The following HS1BP3 variants were observed in gnomAD, a reference collection of about 807,000 sequenced individuals.
HS1BP3 encodes HCLS1 binding protein 3.
A neutral mutation model predicts 33.5 loss-of-function variants in HS1BP3; 32 were observed. The observed-to-expected ratio is 0.95, with a 90% CI of 0.72 to 1.28. HS1BP3 has a LOEUF of 1.28. HS1BP3 is among the 50% of genes most tolerant of loss of function. HS1BP3 has a pLI of 0.00. For synonymous variants in HS1BP3, 187 were observed against 209.2 expected (o/e 0.89, Z 0.92); for missense variants, 486 against 502.3 (o/e 0.97, Z 0.31).
At chr2:20,601,437 T>C (rs2149282945) in intron 2 of HS1BP3, among the ~76,000 whole-genome samples, 1 of 152,330 alleles carries the variant, frequency 6.6e-6, no homozygotes, top group African/African-American at 2.4e-5. Flanking sequence ...AGTGAGGGTT[T>C]GATATCGTTT....
rs1479954513 is a variant in HS1BP3 at position 20,623,998 on chromosome 2, C to T, written c.818G>A (p.Gly273Glu). The part of the protein sequence containing the change: ...LKLFDDPDLG[G>E]AIPLGDSLLL... Reference sequence around the variant, plus strand: ...GAGGGAGTCACCCAGGGGGATGGCCCCGCCGAGGTCAGGATCATCAAATAG... The same window carrying T: ...GAGGGAGTCACCCAGGGGGATGGCCTCGCCGAGGTCAGGATCATCAAATAG... Residue 273 changes from glycine (G) to glutamate (E), a missense_variant, in exon 6 of 7, where the codon GGG becomes GAG. Gly to Glu is a moderately conservative substitution (Grantham distance 98). Transcript: ENST00000304031. 3.7e-6 allele frequency: 6 copies of T among 1,612,236 alleles called. No individual in the cohort carries two copies. The highest frequency in any genetic ancestry group is 2.2e-5 in the South Asian group (2 of 91,012).
At chr2:20,561,473 G>C (rs1692992254) in intron 5 of HS1BP3, among the ~76,000 whole-genome samples, 1 of 152,134 alleles carries the variant, frequency 6.6e-6, no homozygotes, top group Non-Finnish European at 1.5e-5. Context: ...GAGCACAAGA[G>C]TCCCAGAGGC....
At chr2:20,644,817 T>C (rs977022954) in intron 2 of HS1BP3, among the ~76,000 whole-genome samples, 6 of 152,172 alleles carry the variant, frequency 3.9e-5, no homozygotes, top group Admixed American at 3.3e-4. Context: ...GCAGGTTAAG[T>C]CCAGGCTCCC....
downstream of HS1BP3, among the ~76,000 whole-genome samples, chr2:20,559,585 TG>T (rs1692930847): frequency 6.7e-6 from 1 of 150,326 alleles, no homozygotes; most frequent in Admixed American, 6.6e-5. Context: ...GATGCATGGA[TG>T]GATAGGTGGA....
intron 2 of HS1BP3, among the ~76,000 whole-genome samples, chr2:20,605,903 A>G (rs543964558): frequency 3.3e-4 from 51 of 152,342 alleles, no homozygotes; most frequent in Non-Finnish European, 6.3e-4. Flanking sequence ...TAGTGCCACT[A>G]GGAACATTCT....
intron 1 of HS1BP3, among the ~76,000 whole-genome samples, chr2:20,648,287 C>G (rs1182516576): frequency 6.6e-6 from 1 of 152,204 alleles, no homozygotes; most frequent in Non-Finnish European, 1.5e-5. Context: ...CAACAGAGGG[C>G]CCCATATTCA....
At chr2:20,580,596 T>C (rs1013183195) in intron 5 of HS1BP3, among the ~76,000 whole-genome samples, 35 of 151,856 alleles carry the variant, frequency 2.3e-4, no homozygotes, top group African/African-American at 7.7e-4. Flanking sequence ...GAATCAAAGG[T>C]TATAAAAAGA....
Position 20,641,035 on chromosome 2 carries a change from A to G in HS1BP3, c.344T>C (p.Ile115Thr). 6.2e-7 allele frequency: 1 copy of G among 1,614,186 alleles called. No homozygotes were observed. Among genetic ancestry groups the G allele is most frequent in the Non-Finnish European group, 8.5e-7 (1 of 1,180,034 alleles). ...GGCATCCTTGGAGACACAGCGCAGGATCTCATTGAACACGGCTCTCCTCTC... is the reference window on the plus strand; with the variant it reads ...GGCATCCTTGGAGACACAGCGCAGGGTCTCATTGAACACGGCTCTCCTCTC... ...IRERRAVFNEILRCVSKDAEL... is the reference protein window; with the variant it reads ...IRERRAVFNETLRCVSKDAEL... The change falls in exon 3 of 7, where the codon ATC (isoleucine) becomes ACC (threonine). Residue 115 changes from isoleucine (I) to threonine (T), a missense_variant. Transcript: ENST00000304031.
At chr2:20,608,658 C>T (rs148711630) in intron 2 of HS1BP3, among the ~76,000 whole-genome samples, 253 of 151,700 alleles carry the variant, frequency 1.7e-3, no homozygotes, top group African/African-American at 5.8e-3. Context: ...TTCTGTCTTT[C>T]ACCAAGTGTT....
chr2:20,580,227 C>T (rs567238755), intron 5 of HS1BP3, among the ~76,000 whole-genome samples: 8 of 152,188 alleles, frequency 5.3e-5, no homozygotes, highest in Non-Finnish European at 1.2e-4. Flanking sequence ...TTAGAAACTT[C>T]CAAGGGGGAA....
chr2:20,582,751 G>A (rs923661739), intron 5 of HS1BP3, among the ~76,000 whole-genome samples: 4 of 152,196 alleles, frequency 2.6e-5, no homozygotes, highest in Non-Finnish European at 4.4e-5. Flanking sequence ...TCATGGGGCA[G>A]ACGTGACCTC....
intron 1 of HS1BP3, among the ~76,000 whole-genome samples, chr2:20,649,885 C>T (rs965665376): frequency 2.6e-5 from 4 of 152,232 alleles, no homozygotes; most frequent in African/African-American, 9.6e-5. Flanking sequence ...CCACCCACCC[C>T]ATCCCAAGCA....
intron 2 of HS1BP3, among the ~76,000 whole-genome samples, chr2:20,644,870 A>T (rs55967304): frequency 0.13 from 20,389 of 152,090 alleles, 1,601 homozygotes; most frequent in African/African-American, 0.22. Flanking sequence ...ACTCACCTTC[A>T]TCTTCCCCGC....
rs1694507401 is a variant in HS1BP3, at chr2:20,618,978, A to G, written c.*9T>C. On this transcript the variant is annotated 3_prime_UTR_variant, in exon 7 of 7. Transcript: ENST00000304031. ...CAGGCCTGCTGGGCCAGGGGCCAGC[A>G]TGGAAGGGTCAGAAGAGGCTGGGGG... is the stretch of plus-strand genomic sequence containing the variant. The G allele has an allele frequency of 1.2e-6, 2 of 1,611,028 alleles. No individual in the cohort carries two copies. Among genetic ancestry groups the G allele is most frequent in the African/African-American group, 1.3e-5 (1 of 74,868 alleles).
downstream of HS1BP3, among the ~76,000 whole-genome samples, chr2:20,617,509 G>A (rs1051246317): frequency 6.6e-6 from 1 of 152,154 alleles, no homozygotes; most frequent in African/African-American, 2.4e-5. Flanking sequence ...CGCCACAGCT[G>A]GAGAGGGACG....
intron 5 of HS1BP3, among the ~76,000 whole-genome samples, chr2:20,566,855 C>T (rs1268695964): frequency 6.6e-6 from 1 of 152,150 alleles, no homozygotes; most frequent in Non-Finnish European, 1.5e-5. Flanking sequence ...GATCTGCCTG[C>T]CTCAGCCTCC....
At chr2:20,622,168 G>A in intron 6 of HS1BP3, 3 of 1,283,024 alleles carry the variant, frequency 2.3e-6, no homozygotes, top group Non-Finnish European at 3.1e-6. Context: ...ACGAAGGGGT[G>A]AAAGCATGAA....
downstream of HS1BP3, among the ~76,000 whole-genome samples, chr2:20,591,456 G>T (rs1558325655): frequency 6.6e-6 from 1 of 152,308 alleles, no homozygotes; most frequent in Non-Finnish European, 1.5e-5. Flanking sequence ...GATTCTGGGA[G>T]CCCCAAGACT....
intron 5 of HS1BP3, 43 bp downstream of exon 5, chr2:20,624,689 G>A: frequency 1.3e-6 from 2 of 1,535,924 alleles, no homozygotes; most frequent in South Asian, 1.2e-5. Flanking sequence ...ATGGGGCTGG[G>A]CACCGAGAGG....
Sources: gnomAD v4.1 joint callset for allele counts (sites outside exome capture counted in the v4.1 genomes callset) on GRCh38, gnomAD v4.1.1 for gene constraint, MANE v1.5 for transcripts, NCBI Gene and HGNC (gene_info 2026-07-23, HGNC 2026-07-21) for gene names.